MAP3K7CL: variants seen among roughly 807,000 people sequenced by gnomAD.
MAP3K7CL encodes MAP3K7 C-terminal like.
MAP3K7CL carries 16 observed loss-of-function variants against 18.6 expected under a neutral mutation model. The observed-to-expected ratio is 0.86, with a 90% CI of 0.58 to 1.31. The LOEUF (loss-of-function observed/expected upper bound fraction) is 1.31. Among genes scored for constraint, MAP3K7CL ranks in the 50% most tolerant of loss-of-function variants. MAP3K7CL has a pLI of 0.00. For synonymous variants in MAP3K7CL, 65 were observed against 66.8 expected, an observed-to-expected ratio of 0.97 and a Z score of 0.13; for missense variants, 163 against 174.4, an observed-to-expected ratio of 0.93 and a Z score of 0.37.
intron 1 of MAP3K7CL, among the ~76,000 whole-genome samples, chr21:29,090,011 T>G (rs993028024): frequency 6.6e-6 from 1 of 152,212 alleles, no homozygotes; most frequent in East Asian, 1.9e-4. Context: ...ATAATTTTGA[T>G]ACTATTCGAC....
At chr21:29,125,230 C>A (rs1010289207) in intron 4 of MAP3K7CL, among the ~76,000 whole-genome samples, 1 of 152,180 alleles carries the variant, frequency 6.6e-6, no homozygotes, top group African/African-American at 2.4e-5. Context: ...CTATGATTAT[C>A]CCCCATTTTA....
intron 4 of MAP3K7CL, among the ~76,000 whole-genome samples, chr21:29,162,266 G>A (rs887230545): frequency 6.6e-6 from 1 of 151,588 alleles, no homozygotes; most frequent in Non-Finnish European, 1.5e-5. Flanking sequence ...TCTTCAGACT[G>A]AAGGTACTGG....
At chr21:29,149,351 C>T (rs2087218071) in intron 3 of MAP3K7CL, 101 bp downstream of exon 3, 4 of 1,011,704 alleles carry the variant, frequency 4.0e-6, no homozygotes, top group Non-Finnish European at 6.3e-6. Flanking sequence ...GACTTGGACC[C>T]AGAATGTGGG....
chr21:29,134,566 A>G (rs1250012988), intron 2 of MAP3K7CL, among the ~76,000 whole-genome samples: 1 of 152,170 alleles, frequency 6.6e-6, no homozygotes, highest in East Asian at 1.9e-4. Flanking sequence ...CTTCATAATC[A>G]GTTTTTCCAA....
intron 4 of MAP3K7CL, among the ~76,000 whole-genome samples, chr21:29,170,627 C>T (rs1429580312): frequency 1.3e-5 from 2 of 151,500 alleles, no homozygotes; most frequent in Non-Finnish European, 3.0e-5. Context: ...GCATGTCTCT[C>T]TCTCTTTCTC....
intron 4 of MAP3K7CL, among the ~76,000 whole-genome samples, chr21:29,099,890 T>C (rs1356320018): frequency 2.6e-5 from 4 of 151,954 alleles, no homozygotes; most frequent in Non-Finnish European, 5.9e-5. Context: ...GACACCATCC[T>C]GGCTAACACG....
chr21:29,159,990 A>C lies in MAP3K7CL; in HGVS notation c.182A>C (p.Gln61Pro), dbSNP rs540418208. 2 of 1,614,154 alleles carry C rather than the reference A, an allele frequency of 1.2e-6. No individual in the cohort carries two copies. Among genetic ancestry groups the C allele is most frequent in the South Asian group, 2.2e-5 (2 of 91,084 alleles). The change falls in exon 4 of 5, where the codon CAG becomes CCG. Residue 61 changes from glutamine (Q) to proline (P), a missense_variant. Physicochemically the swap from Gln to Pro is moderately conservative, Grantham distance 76 (BLOSUM62 -1). Coordinates refer to ENST00000399928, the MANE Select transcript of MAP3K7CL (RefSeq NM_001286620.2). ...DSEESMEVFK[Q>P]HCQIAEEYHE... ...GAGGAATCCATGGAGGTGTTCAAAC[A>C]GCACTGCCAAATAGCAGAAGAATAC...
chr21:29,088,034 A>G (rs2085957954), intron 1 of MAP3K7CL, among the ~76,000 whole-genome samples: 1 of 152,198 alleles, frequency 6.6e-6, no homozygotes, highest in African/African-American at 2.4e-5. Context: ...TCTACTCACT[A>G]AGTGAGTAAG....
rs2087513236 is a variant in MAP3K7CL at position 29,160,196 on chromosome 21, G to T, written c.248+140G>T. Reference sequence around the variant, plus strand: ...AGCAATGATTCAAGTGGTGCTATTGGAGATTAAGTGCTTTATGGAGTAGCA... The same window carrying T: ...AGCAATGATTCAAGTGGTGCTATTGTAGATTAAGTGCTTTATGGAGTAGCA... On this transcript the variant is annotated intron_variant, in intron 4 of 4. Transcript: ENST00000399928. 4 of 574,468 alleles carry T rather than the reference G, an allele frequency of 7.0e-6. No individual in the cohort carries two copies. In the Admixed American group the frequency reaches 1.4e-4, roughly 20 times the overall value. 35.6% of individuals were successfully genotyped at this position (574,468 alleles called of 1,614,324 possible).
At chr21:29,116,876 G>C (rs531813464) in intron 4 of MAP3K7CL, among the ~76,000 whole-genome samples, 1 of 152,256 alleles carries the variant, frequency 6.6e-6, no homozygotes, top group Admixed American at 6.5e-5. Context: ...GTTCAGGAAT[G>C]ATTTCCTGAT....
intron 4 of MAP3K7CL, among the ~76,000 whole-genome samples, chr21:29,094,510 A>C (rs1312842516): frequency 6.6e-6 from 1 of 152,210 alleles, no homozygotes; most frequent in African/African-American, 2.4e-5. Context: ...TCTGGAGAGA[A>C]ATCCTTCACT....
chr21:29,096,309 G>T (rs1173183695), intron 4 of MAP3K7CL, among the ~76,000 whole-genome samples: 3 of 152,208 alleles, frequency 2.0e-5, no homozygotes, highest in Non-Finnish European at 4.4e-5. Flanking sequence ...GAATATATCA[G>T]TGAATAAGAC....
At chr21:29,169,130 C>T (rs1357940419) in intron 4 of MAP3K7CL, among the ~76,000 whole-genome samples, 1 of 152,212 alleles carries the variant, frequency 6.6e-6, no homozygotes, top group African/African-American at 2.4e-5. Flanking sequence ...TGCTAGACTT[C>T]CTACAACGCC....
chr21:29,097,772 T>C (rs546151318), intron 4 of MAP3K7CL, among the ~76,000 whole-genome samples: 1 of 152,292 alleles, frequency 6.6e-6, no homozygotes, highest in South Asian at 2.1e-4. Context: ...CTGACTAATG[T>C]TATAATATTG....
chr21:29,154,878 G>A (rs1339263645), intron 3 of MAP3K7CL, among the ~76,000 whole-genome samples: 1 of 152,166 alleles, frequency 6.6e-6, no homozygotes, highest in African/African-American at 2.4e-5. Context: ...TTTCAATAAT[G>A]CCTTTAATTT....
Position 29,149,265 on chromosome 21 carries a change from A to G in MAP3K7CL, c.132+15A>G, listed in dbSNP as rs770043335. 1 of 1,611,520 alleles carries G rather than the reference A, an allele frequency of 6.2e-7. No individual in the cohort carries two copies. Among genetic ancestry groups the G allele is most frequent in the Non-Finnish European group, 8.5e-7 (1 of 1,177,598 alleles). The stretch of plus-strand genomic sequence containing the variant: ...AGCAGCTACAGGTAAGGATTTTTCT[A>G]AAGTCTCTCTTCTTTCCTCCTTAGT... On this transcript the variant is annotated intron_variant, in intron 3 of 4. Transcript: ENST00000399928.
intron 4 of MAP3K7CL, among the ~76,000 whole-genome samples, chr21:29,107,364 G>T (rs1184128972): frequency 2.6e-5 from 4 of 152,010 alleles, no homozygotes; most frequent in Non-Finnish European, 2.9e-5. Context: ...AAGAAAATTG[G>T]TCTAAGATGA....
intron 2 of MAP3K7CL, among the ~76,000 whole-genome samples, chr21:29,142,052 TA>T (rs1264941807): frequency 6.6e-6 from 1 of 151,932 alleles, no homozygotes. Context: ...ATCTTTCATA[TA>T]AAAAGTGTTT....
intron 4 of MAP3K7CL, among the ~76,000 whole-genome samples, chr21:29,121,055 G>GAT (rs59327000): frequency 0.028 from 3,369 of 121,048 alleles, 487 homozygotes; most frequent in African/African-American, 0.098. Context: ...AACAGAGTCA[G>GAT]ATATATATAT....
Sources: gnomAD v4.1 joint callset for allele counts (sites outside exome capture counted in the v4.1 genomes callset) on GRCh38, gnomAD v4.1.1 for gene constraint, MANE v1.5 for transcripts, NCBI Gene and HGNC (gene_info 2026-07-23, HGNC 2026-07-21) for gene names.